ARSJ: variants seen among roughly 807,000 people sequenced by gnomAD.
ARSJ encodes arylsulfatase J.
In ARSJ, 26 loss-of-function variants were observed where a neutral mutation model predicts 35.9. The ratio of observed to expected loss-of-function variants is 0.72; its 90% CI spans 0.53 to 1.00. The LOEUF (loss-of-function observed/expected upper bound fraction) is 1.00. ARSJ is among the 50% of genes least tolerant of loss of function. The pLI is 0.00. For missense variants in ARSJ, 667 were observed against 723.6 expected, an observed-to-expected ratio of 0.92 and a Z score of 0.90; for synonymous variants, 294 against 267.6, an observed-to-expected ratio of 1.10 and a Z score of -0.96.
intron 1 of ARSJ, among the ~76,000 whole-genome samples, chr4:113,967,621 A>G: frequency 6.6e-6 from 1 of 152,142 alleles, no homozygotes. Context: ...TTCTCAAATA[A>G]CTTCCATTTA....
At position 113,901,930 on chromosome 4, in the gene ARSJ, C is replaced by T. The variant is rs1273275548; in HGVS notation, c.*344G>A. On this transcript the variant is annotated 3_prime_UTR_variant, in exon 2 of 2. Transcript: ENST00000315366. ...AACTTCCATCAAATTAGCATGCTTG[C>T]GGATGGTAGGTTATTGTTCTCCTCC... 9 of 248,532 alleles carry T rather than the reference C, an allele frequency of 3.6e-5. No individual in the cohort carries two copies. The highest frequency in any genetic ancestry group is 4.9e-5 in the African/African-American group (2 of 40,778). The allele number at this position is 248,532 out of a possible 1,614,324, so 15.4% of individuals were successfully genotyped here. A position where few individuals can be genotyped will look rare whatever the true frequency, so the allele number is the denominator to read the frequency against.
chr4:113,952,150 G>A (rs1044601595), intron 1 of ARSJ, among the ~76,000 whole-genome samples: 1 of 151,984 alleles, frequency 6.6e-6, no homozygotes, highest in African/African-American at 2.4e-5. Flanking sequence ...GTGTACCGCA[G>A]CCTTAAACTC....
intron 1 of ARSJ, among the ~76,000 whole-genome samples, chr4:113,957,027 T>G (rs1457277660): frequency 6.6e-6 from 1 of 152,076 alleles, no homozygotes; most frequent in African/African-American, 2.4e-5. Flanking sequence ...AGCAGCAAGA[T>G]GGACCTATAG....
intron 1 of ARSJ, among the ~76,000 whole-genome samples, chr4:113,932,390 T>C (rs1724509358): frequency 6.6e-6 from 1 of 152,006 alleles, no homozygotes; most frequent in African/African-American, 2.4e-5. Context: ...TACAGAATGT[T>C]TAACCCAGAA....
chr4:113,969,530 T>G (rs1308114632), intron 1 of ARSJ, among the ~76,000 whole-genome samples: 1 of 152,164 alleles, frequency 6.6e-6, no homozygotes, highest in Non-Finnish European at 1.5e-5. Context: ...ACATAATATG[T>G]AAAATTCTCA....
intron 1 of ARSJ, among the ~76,000 whole-genome samples, chr4:113,947,339 G>A (rs975559300): frequency 6.6e-6 from 1 of 151,888 alleles, no homozygotes; most frequent in Non-Finnish European, 1.5e-5. Flanking sequence ...AATTAGCTGG[G>A]TATCTTGGCA....
rs370162798 is a variant in ARSJ, at chr4:113,926,795, A to T, written c.399-23120T>A. 2.0e-4 allele frequency among the ~76,000 whole-genome samples: 31 copies of T among 152,152 alleles called. 1 individual carries two copies. Among genetic ancestry groups the T allele is most frequent in the African/African-American group, 7.0e-4 (29 of 41,436 alleles). ...CTTGATGACCCATAGTCAGACGTTC[A>T]GTTTCCACCAAAGCCCAGTAACAGG... is the stretch of plus-strand genomic sequence containing the variant. On this transcript the variant is annotated intron_variant, in intron 1 of 1. Transcript: ENST00000315366.
intron 1 of ARSJ, among the ~76,000 whole-genome samples, chr4:113,940,699 A>G (rs543130366): frequency 1.3e-5 from 2 of 152,134 alleles, no homozygotes; most frequent in South Asian, 4.1e-4. Flanking sequence ...AGGTGGAACT[A>G]CCAAAGATGG....
At chr4:113,972,231 G>C (rs937473123) in intron 1 of ARSJ, among the ~76,000 whole-genome samples, 1 of 134,780 alleles carries the variant, frequency 7.4e-6, no homozygotes, top group Admixed American at 8.2e-5. Context: ...CCCAGCTGAG[G>C]CAATTCCAGG....
At chr4:113,953,458 A>G (rs1186865842) in intron 1 of ARSJ, among the ~76,000 whole-genome samples, 1 of 152,112 alleles carries the variant, frequency 6.6e-6, no homozygotes, top group Non-Finnish European at 1.5e-5. Context: ...GCAAATGAAT[A>G]CTTTGTAAAC....
At chr4:113,951,531 T>G (rs1725865625) in intron 1 of ARSJ, among the ~76,000 whole-genome samples, 1 of 152,100 alleles carries the variant, frequency 6.6e-6, no homozygotes, top group South Asian at 2.1e-4. Flanking sequence ...ACGAGCTTAT[T>G]TGGCAGCACG....
At chr4:113,961,094 G>A (rs2149280522) in intron 1 of ARSJ, among the ~76,000 whole-genome samples, 1 of 152,142 alleles carries the variant, frequency 6.6e-6, no homozygotes, top group South Asian at 2.1e-4. Flanking sequence ...TAATGGGAGA[G>A]AGAGACTACA....
At chr4:113,930,769 C>T (rs1481706330) in intron 1 of ARSJ, among the ~76,000 whole-genome samples, 1 of 150,060 alleles carries the variant, frequency 6.7e-6, no homozygotes, top group African/African-American at 2.5e-5. Context: ...AGACTTGGAA[C>T]CAACCCAAAT....
chr4:113,949,040 G>C (rs1388831888), intron 1 of ARSJ, among the ~76,000 whole-genome samples: 1 of 152,076 alleles, frequency 6.6e-6, no homozygotes, highest in Non-Finnish European at 1.5e-5. Flanking sequence ...GTCCTTTGCA[G>C]GAACATGGAT....
chr4:113,902,638 C>T lies in ARSJ; in HGVS notation c.1436G>A (p.Arg479Gln). 1.9e-6 allele frequency: 3 copies of T among 1,614,182 alleles called. No individual in the cohort carries two copies. The highest frequency in any genetic ancestry group is 1.1e-5 in the South Asian group (1 of 91,076). The change falls in exon 2 of 2, where the codon CGG becomes CAG. Residue 479 changes from arginine to glutamine, a missense_variant. Coordinates refer to ENST00000315366, the MANE Select transcript of ARSJ (RefSeq NM_024590.4). ...CAAGGTGATCCGTTCATTGTGCCAC[C>T]GGTTCGGTCCCAGGTTGCTGAAAGA... ...PQSFSNLGPN[R>Q]WHNERITLST...
intron 1 of ARSJ, among the ~76,000 whole-genome samples, chr4:113,976,131 AT>A (rs1727577120): frequency 6.6e-6 from 1 of 152,164 alleles, no homozygotes; most frequent in Non-Finnish European, 1.5e-5. Flanking sequence ...AAGAAAATGG[AT>A]TTTTAATTTT....
chr4:113,921,399 T>G (rs2149258854), intron 1 of ARSJ, among the ~76,000 whole-genome samples: 1 of 152,312 alleles, frequency 6.6e-6, no homozygotes, highest in Middle Eastern at 3.4e-3. Context: ...TTTGCTTATA[T>G]AAGCTCTTTT....
chr4:113,909,799 C>T (rs6822455), intron 1 of ARSJ, among the ~76,000 whole-genome samples: 13,903 of 152,092 alleles, frequency 0.091, 729 homozygotes, highest in African/African-American at 0.14. Flanking sequence ...TAAGCTTCTT[C>T]CTAACTATAA....
At chr4:113,972,910 A>G (rs1240220515) in intron 1 of ARSJ, among the ~76,000 whole-genome samples, 1 of 152,128 alleles carries the variant, frequency 6.6e-6, no homozygotes, top group Non-Finnish European at 1.5e-5. Flanking sequence ...TGGCACTTCT[A>G]GACAATTTTG....
Sources: gnomAD v4.1 joint callset for allele counts (sites outside exome capture counted in the v4.1 genomes callset) on GRCh38, gnomAD v4.1.1 for gene constraint, MANE v1.5 for transcripts, NCBI Gene and HGNC (gene_info 2026-07-23, HGNC 2026-07-21) for gene names.